The following ALDH3A1 variants were observed in gnomAD, a reference collection of about 807,000 sequenced individuals.
The protein encoded by ALDH3A1 is aldehyde dehydrogenase 3 family member A1.
Under a neutral mutation model 49.9 loss-of-function variants are expected in ALDH3A1, and 46 were observed. The observed-to-expected ratio is 0.92, with a 90% CI of 0.73 to 1.18. ALDH3A1 has a LOEUF of 1.18. Among genes scored for constraint, ALDH3A1 ranks in the 50% most tolerant of loss-of-function variants. The pLI, the probability that ALDH3A1 is intolerant of heterozygous loss-of-function variation, is 0.00. For missense variants in ALDH3A1, 592 were observed against 611.8 expected, an observed-to-expected ratio of 0.97 and a Z score of 0.34; for synonymous variants, 269 against 253.3, an observed-to-expected ratio of 1.06 and a Z score of -0.59.
intron 2 of ALDH3A1, chr17:19,744,476 G>A (rs1466868685): frequency 1.0e-6 from 1 of 985,224 alleles, no homozygotes; most frequent in African/African-American, 1.7e-5. Context: ...GATGGGCTCC[G>A]GAGCGCTGGA....
At chr17:19,745,939 C>T (rs1469479525) in intron 1 of ALDH3A1, among the ~76,000 whole-genome samples, 3 of 152,112 alleles carry the variant, frequency 2.0e-5, no homozygotes, top group African/African-American at 4.8e-5. Flanking sequence ...CCCAAAGATC[C>T]GAAAGAAAGG....
Position 19,743,524 on chromosome 17 carries a change from TG to T in ALDH3A1, c.163-62del. Reference sequence around the variant, plus strand: ...AGGGCCCGCCTGCAGCTGGGGCGAGTGGGGAGCCCCACTGCTCAGCTGCCAG... The same window carrying T: ...AGGGCCCGCCTGCAGCTGGGGCGAGTGGGAGCCCCACTGCTCAGCTGCCAG... On this transcript the variant is annotated intron_variant, in intron 2 of 10. Coordinates refer to ENST00000225740, the MANE Select transcript of ALDH3A1 (RefSeq NM_000691.5). This position sits in a 1 kb window ranked among gnomAD's most constrained non-coding sequence, Gnocchi z 4.4. 1 of 1,531,470 alleles carries T rather than the reference TG, an allele frequency of 6.5e-7. No homozygotes were observed. The allele number at this position is 1,531,470 out of a possible 1,614,324, so 94.9% of individuals were successfully genotyped here. A position where few individuals can be genotyped will look rare whatever the true frequency, so the allele number is the denominator to read the frequency against.
Position 19,740,232 on chromosome 17 carries a change from C to G in ALDH3A1, c.949+104G>C, listed in dbSNP as rs3744693. The G allele has an allele frequency of 1.3e-3, 1,924 of 1,501,716 alleles. 42 individuals are homozygous for G. The East Asian group carries it at 0.04, about 31-fold the overall frequency. 93.0% of individuals were successfully genotyped at this position (1,501,716 alleles called of 1,614,324 possible). A position where few individuals can be genotyped will look rare whatever the true frequency, so the allele number is the denominator to read the frequency against. ...TGGTGAAAGCAATTTATACCCATCC[C>G]GAGGTCGTGTCCGCTTATCAAGCAT... On this transcript the variant is annotated intron_variant, in intron 7 of 10. Transcript: ENST00000225740.
At chr17:19,740,225 C>A (rs1350889009) in intron 7 of ALDH3A1, 111 bp downstream of exon 7, 24 of 1,461,782 alleles carry the variant, frequency 1.6e-5, no homozygotes, top group South Asian at 2.5e-5. Context: ...GCAATTTATA[C>A]CCATCCCGAG....
At position 19,744,182 on chromosome 17, in the gene ALDH3A1, A is replaced by C. The variant is rs148139496; in HGVS notation, c.163-719T>G. On this transcript the variant is annotated intron_variant, in intron 2 of 10. Transcript: ENST00000225740. ...AGAGGCCGAGAACTCCTCCTGAGGA[A>C]CTCCTGAGGGCAGGAGTTCAAGACC... 1.9e-3 allele frequency: 1,741 copies of C among 923,098 alleles called. 22 individuals are homozygous for C. In the African/African-American group the frequency reaches 0.029, roughly 15 times the overall value. 57.2% of individuals were successfully genotyped at this position (923,098 alleles called of 1,614,324 possible).
intron 4 of ALDH3A1, 108 bp downstream of exon 4, chr17:19,742,437 G>GC: frequency 7.6e-7 from 1 of 1,313,864 alleles, no homozygotes. Flanking sequence ...AGCCCCACCA[G>GC]TAGCTTGGCC....
At position 19,738,198 on chromosome 17, in the gene ALDH3A1, A is replaced by G. The variant is rs1450040950; in HGVS notation, c.*23T>C. ...CACTCCGATGGGACACAGTATGGCC[A>G]GGCCAGGCGGAGCAACCCCTCCTCA... On this transcript the variant is annotated 3_prime_UTR_variant, in exon 11 of 11. Coordinates refer to ENST00000225740, the MANE Select transcript of ALDH3A1 (RefSeq NM_000691.5). 3.7e-6 allele frequency: 6 copies of G among 1,613,902 alleles called. No individual in the cohort carries two copies. The Admixed American group carries it at 5.0e-5, about 13-fold the overall frequency.
intron 2 of ALDH3A1, chr17:19,744,329 G>A: frequency 1.2e-6 from 1 of 818,420 alleles, no homozygotes; most frequent in South Asian, 5.6e-5. Context: ...CCTGAACCCG[G>A]GAGGCGGAGG....
chr17:19,742,522 C>A, intron 4 of ALDH3A1, 23 bp downstream of exon 4: 1 of 1,605,336 alleles, frequency 6.2e-7, no homozygotes. Flanking sequence ...CATGGAGTTA[C>A]GAGGCCCTGG....
intron 7 of ALDH3A1, 38 bp from the exon 8 acceptor site, chr17:19,739,712 G>A: frequency 6.2e-7 from 1 of 1,607,570 alleles, no homozygotes; most frequent in Non-Finnish European, 8.5e-7. Context: ...ACGGCGCAGA[G>A]ACCCCCACGC....
In ALDH3A1 at chr17:19,744,772, A is replaced by AGAGGGCGGAAGAGGCGGC. The variant is rs1342313664; in HGVS notation, c.162+178_162+195dup. Reference sequence around the variant, plus strand: ...GAGGCCGGGCCAGGAGGAAAAGGCCAGAGGGCGGAAGAGGCGGCGGGGGCG... The same window carrying AGAGGGCGGAAGAGGCGGC: ...GAGGCCGGGCCAGGAGGAAAAGGCCAGAGGGCGGAAGAGGCGGCGAGGGCGGAAGAGGCGGCGGGGGCG... On this transcript the variant is annotated intron_variant, in intron 2 of 10. Coordinates refer to ENST00000225740, the MANE Select transcript of ALDH3A1 (RefSeq NM_000691.5). 2.3e-5 allele frequency: 32 copies of AGAGGGCGGAAGAGGCGGC among 1,372,020 alleles called. 1 individual carries two copies. The East Asian group carries it at 9.8e-4, about 42-fold the overall frequency. The allele number at this position is 1,372,020 out of a possible 1,614,324, so 85.0% of individuals were successfully genotyped here.
rs1555546888 is a variant in ALDH3A1, at chr17:19,744,910, C to CCG, written c.162+57_162+58insCG. On this transcript the variant is annotated intron_variant, in intron 2 of 10. Coordinates refer to ENST00000225740, the MANE Select transcript of ALDH3A1 (RefSeq NM_000691.5). ...GGTCGCACTCTCCCCAGCCCCTCCC[C>CCG]CCACGCCCCATCGCATGGCCCCGAC... The CCG allele has an allele frequency of 1.0e-5, 11 of 1,067,480 alleles. 1 individual carries two copies. The highest frequency in any genetic ancestry group is 1.8e-5 in the South Asian group (1 of 54,636). 66.1% of individuals were successfully genotyped at this position (1,067,480 alleles called of 1,614,324 possible).
chr17:19,744,333 G>A, intron 2 of ALDH3A1: 1 of 836,162 alleles, frequency 1.2e-6, no homozygotes. Context: ...AACCCGGGAG[G>A]CGGAGGTTGC....
Position 19,743,268 on chromosome 17 carries a change from G to A in ALDH3A1, c.358C>T (p.Leu120Phe). ...GCGCCCACCATGGGCTGGATGGTGA[G>A]GTTGAAGGGGTAGTTCCAGGTGCCA... ...VIGTWNYPFN[L>F]TIQPMVGAIA... Residue 120 changes from leucine to phenylalanine, a missense_variant, in exon 3 of 11, where the codon CTC (leucine) becomes TTC (phenylalanine). Coordinates refer to ENST00000225740, the MANE Select transcript of ALDH3A1 (RefSeq NM_000691.5). The surrounding 1 kb of genome is among the most constrained non-coding windows in gnomAD (Gnocchi z 4.4). 2 of 1,614,032 alleles carry A rather than the reference G, an allele frequency of 1.2e-6. No individual in the cohort carries two copies. Among genetic ancestry groups the A allele is most frequent in the Non-Finnish European group, 1.7e-6 (2 of 1,180,000 alleles).
rs1306434797 is a variant in ALDH3A1 at position 19,739,668 on chromosome 17, G to A, written c.956C>T (p.Thr319Ile). The change falls in exon 8 of 11, where the codon ACC (threonine) becomes ATC (isoleucine). Residue 319 changes from threonine to isoleucine, a missense_variant. Coordinates refer to ENST00000225740, the MANE Select transcript of ALDH3A1 (RefSeq NM_000691.5). Reference sequence around the variant, plus strand: ...CTGGGGGTCCACGTCCGTGAGGATGGTGGGGGCTGAGGCAGGAAACAAGCC... The same window carrying A: ...CTGGGGGTCCACGTCCGTGAGGATGATGGGGGCTGAGGCAGGAAACAAGCC... ...GDAATRYIAP[T>I]ILTDVDPQSP... 2 of 1,613,664 alleles carry A rather than the reference G, an allele frequency of 1.2e-6. No individual in the cohort carries two copies. The highest frequency in any genetic ancestry group is 1.3e-5 in the African/African-American group (1 of 75,046).
chr17:19,742,513 A>G (rs780669392), intron 4 of ALDH3A1, 32 bp downstream of exon 4: 1 of 1,602,162 alleles, frequency 6.2e-7, no homozygotes, highest in East Asian at 2.2e-5. Context: ...TTATGAGGCC[A>G]TGGAGTTACG....
chr17:19,739,162 C>G, intron 8 of ALDH3A1, 67 bp from the exon 9 acceptor site: 2 of 1,426,304 alleles, frequency 1.4e-6, no homozygotes, highest in South Asian at 2.4e-5. Flanking sequence ...CCAACCCGAC[C>G]CTGCCTGGGT....
chr17:19,742,847 A>C, intron 3 of ALDH3A1: 4 of 1,532,928 alleles, frequency 2.6e-6, no homozygotes, highest in Non-Finnish European at 3.5e-6. Context: ...CCAGAGCTGC[A>C]CCACCTGGCC....
At chr17:19,740,848 T>TAAAG (rs1265068869) in intron 6 of ALDH3A1, among the ~76,000 whole-genome samples, 2 of 152,180 alleles carry the variant, frequency 1.3e-5, no homozygotes, top group Non-Finnish European at 2.9e-5. Context: ...ACATATTTTG[T>TAAAG]AAAGATGGGA....
Sources: gnomAD v4.1 joint callset for allele counts (sites outside exome capture counted in the v4.1 genomes callset) on GRCh38, gnomAD v4.1.1 for gene constraint, Gnocchi (gnomAD v3.1) non-coding constraint, MANE v1.5 for transcripts, NCBI Gene and HGNC (gene_info 2026-07-23, HGNC 2026-07-21) for gene names.